The following CTNNA2 variants were observed in gnomAD, a reference collection of about 807,000 sequenced individuals.
CTNNA2 encodes the protein catenin alpha 2.
CTNNA2 carries 42 observed loss-of-function variants against 101.0 expected under a neutral mutation model. The observed-to-expected ratio is 0.42, with a 90% confidence interval of 0.32 to 0.54. The LOEUF (loss-of-function observed/expected upper bound fraction) is 0.54, where lower values mean the gene tolerates loss of function less well. Among genes scored for constraint, CTNNA2 ranks in the 20% least tolerant of loss-of-function variants. The probability of loss-of-function intolerance (pLI) is 0.14; values close to 1 mark genes in which losing one functional copy is unlikely to be tolerated. For synonymous variants in CTNNA2, 450 were observed against 456.4 expected (o/e 0.99, Z 0.18); for missense variants, 871 against 1,223.1 (o/e 0.71, Z 4.29).
At position 80,075,044 on chromosome 2, in the gene CTNNA2, T is replaced by A. The variant is rs149813299; in HGVS notation, c.1056+165247T>A. On this transcript the variant is annotated intron_variant, in intron 7 of 18. Coordinates refer to ENST00000402739, the MANE Select transcript of CTNNA2 (RefSeq NM_001282597.3). ...TCTGTCCATATCCCTTCCCTTACTG[T>A]TTTTTTTCTTTTTGTTGTTGTTCTT... Among the ~76,000 whole-genome samples the A allele has an allele frequency of 2.0e-5, 3 of 152,094 alleles. No homozygotes were observed. The East Asian group carries it at 5.8e-4, about 29-fold the overall frequency.
intron 9 of CTNNA2, among the ~76,000 whole-genome samples, chr2:80,529,393 A>C (rs980300527): frequency 2.6e-5 from 4 of 152,246 alleles, no homozygotes; most frequent in Admixed American, 1.3e-4. Context: ...CTATGTGTAC[A>C]TAATCTGTTG....
At chr2:80,220,308 G>T (rs1448900369) in intron 7 of CTNNA2, among the ~76,000 whole-genome samples, 1 of 152,208 alleles carries the variant, frequency 6.6e-6, no homozygotes, top group African/African-American at 2.4e-5. Context: ...ACACACTCAG[G>T]ACGTCTGCCA....
intron 4 of CTNNA2, among the ~76,000 whole-genome samples, chr2:79,500,391 A>G (rs1482652362): frequency 2.0e-5 from 3 of 152,224 alleles, no homozygotes; most frequent in Non-Finnish European, 4.4e-5. Context: ...GTAATTATAT[A>G]GTAGATGCTT....
intron 3 of CTNNA2, among the ~76,000 whole-genome samples, chr2:79,800,817 T>G (rs1209044670): frequency 1.3e-5 from 2 of 152,206 alleles, no homozygotes. Context: ...ACTTACCAGA[T>G]GAGCGCTAAT....
intron 7 of CTNNA2, among the ~76,000 whole-genome samples, chr2:80,106,438 G>A (rs979349340): frequency 6.6e-6 from 1 of 152,172 alleles, no homozygotes; most frequent in African/African-American, 2.4e-5. Context: ...CACTATCTAT[G>A]TGTATCTGTG....
chr2:79,259,853 G>T (rs904321928), intron 2 of CTNNA2, among the ~76,000 whole-genome samples: 2 of 152,150 alleles, frequency 1.3e-5, no homozygotes, highest in African/African-American at 4.8e-5. Context: ...GATGGTCTGG[G>T]CCCCAGCCTA....
intron 2 of CTNNA2, among the ~76,000 whole-genome samples, chr2:79,659,877 C>T (rs1019329956): frequency 2.0e-5 from 3 of 152,106 alleles, no homozygotes; most frequent in Non-Finnish European, 4.4e-5. Context: ...TGGCACATGC[C>T]AGCTGCTCTG....
chr2:80,370,228 A>G (rs973420158), intron 7 of CTNNA2, among the ~76,000 whole-genome samples: 1 of 151,432 alleles, frequency 6.6e-6, no homozygotes, highest in Non-Finnish European at 1.5e-5. Flanking sequence ...CAGCGAAAAA[A>G]TATTGTATAT....
intron 7 of CTNNA2, among the ~76,000 whole-genome samples, chr2:80,207,561 A>T (rs1383320032): frequency 6.6e-6 from 1 of 152,172 alleles, no homozygotes; most frequent in Non-Finnish European, 1.5e-5. Context: ...ACAGATGAGG[A>T]ATAACTAAGG....
chr2:79,517,083 A>G (rs1671848106), intron 1 of CTNNA2, among the ~76,000 whole-genome samples: 1 of 152,178 alleles, frequency 6.6e-6, no homozygotes, highest in African/African-American at 2.4e-5. Context: ...TAGAGAGTCT[A>G]GGAAGGAATT....
intron 7 of CTNNA2, among the ~76,000 whole-genome samples, chr2:80,306,792 C>T (rs1445061153): frequency 1.4e-5 from 2 of 144,582 alleles, no homozygotes; most frequent in Admixed American, 1.4e-4. Context: ...CCTAGGGTTG[C>T]TAGGAAAAAA....
intron 2 of CTNNA2, among the ~76,000 whole-genome samples, chr2:79,209,977 G>A (rs950980048): frequency 2.6e-5 from 4 of 151,764 alleles, no homozygotes; most frequent in Non-Finnish European, 4.4e-5. Flanking sequence ...TTGGGGGGGC[G>A]GGGGTGTGGC....
At chr2:80,589,702 ATTG>A (rs1264869253) in intron 15 of CTNNA2, among the ~76,000 whole-genome samples, 1 of 152,188 alleles carries the variant, frequency 6.6e-6, no homozygotes, top group Non-Finnish European at 1.5e-5. Flanking sequence ...TGTTGTAATT[ATTG>A]TTGTTATAAT....
intron 7 of CTNNA2, among the ~76,000 whole-genome samples, chr2:80,115,344 C>T (rs933012484): frequency 1.3e-5 from 2 of 152,166 alleles, no homozygotes; most frequent in African/African-American, 4.8e-5. Flanking sequence ...ATGGTATACA[C>T]TTATGATAAT....
intron 1 of CTNNA2, among the ~76,000 whole-genome samples, chr2:79,585,233 C>T (rs948394541): frequency 6.6e-6 from 1 of 151,744 alleles, no homozygotes; most frequent in African/African-American, 2.4e-5. Flanking sequence ...ACTTTTATCT[C>T]TTAATGTTTG....
intron 4 of CTNNA2, among the ~76,000 whole-genome samples, chr2:79,411,136 C>T (rs181352361): frequency 5.3e-5 from 8 of 152,072 alleles, no homozygotes; most frequent in Middle Eastern, 3.4e-3. Context: ...TCTGTGGGAT[C>T]GGTGGTGATA....
At chr2:79,465,889 G>A (rs1363295725) in intron 4 of CTNNA2, among the ~76,000 whole-genome samples, 1 of 152,290 alleles carries the variant, frequency 6.6e-6, no homozygotes, top group South Asian at 2.1e-4. Flanking sequence ...GGGCTGAGAC[G>A]ATGGGGGTTT....
chr2:80,038,590 G>A (rs748006483), intron 7 of CTNNA2, among the ~76,000 whole-genome samples: 9 of 151,918 alleles, frequency 5.9e-5, no homozygotes, highest in South Asian at 2.1e-4. Context: ...GCACGGTGGC[G>A]GGCACCTGTA....
At chr2:79,850,411 TTCTCTCCCTCCC>T (rs1391200679) in intron 3 of CTNNA2, among the ~76,000 whole-genome samples, 9 of 105,706 alleles carry the variant, frequency 8.5e-5, no homozygotes, top group African/African-American at 3.0e-4. Flanking sequence ...CCCTTTCTCC[TTCTCTCCCTCCC>T]TCTCTCCCTC....
Sources: allele counts gnomAD v4.1 joint callset (sites outside exome capture counted in the v4.1 genomes callset), GRCh38; gene constraint gnomAD v4.1.1; transcripts MANE v1.5; gene names NCBI Gene and HGNC (gene_info 2026-07-23, HGNC 2026-07-21).